Variants in ZNF536 observed in about 807,000 individuals in gnomAD.
ZNF536 encodes zinc finger protein 536.
Under a neutral mutation model 84.5 loss-of-function variants are expected in ZNF536, and 13 were observed. The observed-to-expected ratio is 0.15, with a 90% CI of 0.10 to 0.24. ZNF536 has a LOEUF of 0.24. Ranked by LOEUF, ZNF536 falls within the 10% of genes least tolerant of loss-of-function variation. The probability of loss-of-function intolerance (pLI) is 1.00; values close to 1 mark genes in which losing one functional copy is unlikely to be tolerated. For missense variants in ZNF536, 1,536 were observed against 1,747.5 expected (o/e 0.88, Z 2.16); for synonymous variants, 811 against 742.5 (o/e 1.09, Z -1.50).
chr19:30,522,112 G>A (rs1324373742), intron 2 of ZNF536, among the ~76,000 whole-genome samples: 2 of 151,540 alleles, frequency 1.3e-5, no homozygotes, highest in African/African-American at 2.4e-5. Flanking sequence ...ACAATGGACA[G>A]TGGAGTGGCC....
chr19:30,274,485 T>C (rs1359916431), intron 1 of ZNF536, among the ~76,000 whole-genome samples: 2 of 152,256 alleles, frequency 1.3e-5, no homozygotes, highest in Non-Finnish European at 2.9e-5. Context: ...ATTTGTAGTT[T>C]ACACTCACAG....
intron 1 of ZNF536, among the ~76,000 whole-genome samples, chr19:30,621,505 A>G (rs1441084490): frequency 6.6e-6 from 1 of 152,186 alleles, no homozygotes; most frequent in South Asian, 2.1e-4. Context: ...AACAGTCCAT[A>G]TTAGATGAAA....
chr19:30,536,825 C>T (rs936518759), intron 3 of ZNF536, among the ~76,000 whole-genome samples: 5 of 152,136 alleles, frequency 3.3e-5, no homozygotes, highest in African/African-American at 1.2e-4. Context: ...GGGAGGGGGC[C>T]TTGCATTCTG....
intron 1 of ZNF536, among the ~76,000 whole-genome samples, chr19:30,241,605 G>C (rs1449807204): frequency 6.6e-6 from 1 of 152,164 alleles, no homozygotes; most frequent in Non-Finnish European, 1.5e-5. Flanking sequence ...AGTGTGGCTG[G>C]AGTAAAAAAG....
intron 1 of ZNF536, among the ~76,000 whole-genome samples, chr19:30,687,620 G>C (rs558013858): frequency 8.9e-4 from 135 of 152,170 alleles, no homozygotes; most frequent in South Asian, 1.7e-3. Context: ...AATTAAAAAA[G>C]GTCTATTTAC....
chr19:30,571,189 C>G (rs1300720642), intron 1 of ZNF536, among the ~76,000 whole-genome samples: 1 of 152,134 alleles, frequency 6.6e-6, no homozygotes, highest in Non-Finnish European at 1.5e-5. Context: ...ACAAAAGGGT[C>G]ATTCCTGGGA....
Position 30,427,293 on chromosome 19 carries a change from A to C in ZNF536, c.-2-16268A>C, listed in dbSNP as rs1383045041. 2.6e-5 allele frequency among the ~76,000 whole-genome samples: 4 copies of C among 152,230 alleles called. No homozygotes were observed. In the East Asian group the frequency reaches 7.7e-4, roughly 29 times the overall value. On this transcript the variant is annotated intron_variant, in intron 1 of 4. Transcript: ENST00000355537. ...CAACTCTCATTCATGGGATGCAGAG[A>C]TGCTTGCCAAGTAGTTGAGGAGAAT...
At chr19:30,327,668 C>A (rs1490726685) in intron 2 of ZNF536, among the ~76,000 whole-genome samples, 1 of 152,182 alleles carries the variant, frequency 6.6e-6, no homozygotes, top group Non-Finnish European at 1.5e-5. Flanking sequence ...GTCTTTCATG[C>A]ATTTAGCTTG....
At chr19:30,456,770 G>A (rs867164450) in intron 2 of ZNF536, among the ~76,000 whole-genome samples, 8 of 152,118 alleles carry the variant, frequency 5.3e-5, no homozygotes, top group African/African-American at 9.7e-5. Flanking sequence ...GGCCGGGCAC[G>A]GTGGCTCATG....
chr19:30,528,573 A>C (rs1262325165), intron 2 of ZNF536, among the ~76,000 whole-genome samples: 1 of 152,164 alleles, frequency 6.6e-6, no homozygotes, highest in Non-Finnish European at 1.5e-5. Context: ...TTTCTCATTC[A>C]TGCAAAGTGT....
At chr19:30,366,553 A>G (rs2146958523) in intron 3 of ZNF536, among the ~76,000 whole-genome samples, 1 of 151,290 alleles carries the variant, frequency 6.6e-6, no homozygotes, top group East Asian at 1.9e-4. Context: ...AGATCTATTT[A>G]CCTTTCTTCC....
intron 1 of ZNF536, among the ~76,000 whole-genome samples, chr19:30,701,073 G>T (rs896130567): frequency 3.3e-5 from 5 of 152,168 alleles, no homozygotes; most frequent in Non-Finnish European, 5.9e-5. Context: ...TTCTGCAGTA[G>T]AGATATTTTG....
At chr19:30,642,410 C>T (rs2049300492) in intron 1 of ZNF536, among the ~76,000 whole-genome samples, 1 of 152,136 alleles carries the variant, frequency 6.6e-6, no homozygotes, top group Non-Finnish European at 1.5e-5. Flanking sequence ...TCCTCCATCT[C>T]TGGTGGACAG....
At chr19:30,703,172 G>T (rs2148014276) in intron 1 of ZNF536, among the ~76,000 whole-genome samples, 1 of 152,286 alleles carries the variant, frequency 6.6e-6, no homozygotes, top group South Asian at 2.1e-4. Flanking sequence ...AGACGATCAG[G>T]GAGGATCGAG....
intron 1 of ZNF536, among the ~76,000 whole-genome samples, chr19:30,274,595 G>GT: frequency 6.6e-6 from 1 of 152,304 alleles, no homozygotes; most frequent in South Asian, 2.1e-4. Flanking sequence ...ATGGCAGAAT[G>GT]TATCTTTTTT....
At chr19:30,584,929 C>T (rs184312740) in intron 1 of ZNF536, among the ~76,000 whole-genome samples, 3 of 152,014 alleles carry the variant, frequency 2.0e-5, no homozygotes, top group African/African-American at 7.2e-5. Context: ...GACCCCCTCT[C>T]TACAAAAATA....
intron 2 of ZNF536, among the ~76,000 whole-genome samples, chr19:30,339,379 G>A (rs1422576134): frequency 1.3e-5 from 2 of 152,192 alleles, no homozygotes; most frequent in African/African-American, 2.4e-5. Flanking sequence ...TAGGGCTGTG[G>A]AGCAGCCACT....
intron 2 of ZNF536, among the ~76,000 whole-genome samples, chr19:30,451,219 T>C (rs2052592230): frequency 6.6e-6 from 1 of 152,222 alleles, no homozygotes; most frequent in Admixed American, 6.5e-5. Context: ...ACCTTTCCGC[T>C]GGGGCCCAAG....
intron 1 of ZNF536, among the ~76,000 whole-genome samples, chr19:30,666,535 C>G (rs775932984): frequency 6.6e-6 from 1 of 152,032 alleles, no homozygotes; most frequent in Non-Finnish European, 1.5e-5. Context: ...ACCCACATTT[C>G]TATTACTGTT....
Sources: gnomAD v4.1 joint callset for allele counts (sites outside exome capture counted in the v4.1 genomes callset) on GRCh38, gnomAD v4.1.1 for gene constraint, MANE v1.5 for transcripts, NCBI Gene and HGNC (gene_info 2026-07-23, HGNC 2026-07-21) for gene names.